FARP1: variants seen among roughly 807,000 people sequenced by gnomAD.
FARP1 encodes the protein FERM, ARHGEF and pleckstrin domain-containing protein 1.
In FARP1, 52 loss-of-function variants were observed where a neutral mutation model predicts 128.8. That is an observed-to-expected ratio of 0.40 (90% confidence interval 0.32 to 0.51). The LOEUF (loss-of-function observed/expected upper bound fraction) is 0.51, where lower values mean the gene tolerates loss of function less well. FARP1 is among the 20% of genes least tolerant of loss of function. The pLI is 0.45. For missense variants in FARP1, 1,333 were observed against 1,367.9 expected, an observed-to-expected ratio of 0.97 and a Z score of 0.40; for synonymous variants, 580 against 551.8, an observed-to-expected ratio of 1.05 and a Z score of -0.72.
At chr13:98,309,206 G>T (rs1196142052) in intron 2 of FARP1, among the ~76,000 whole-genome samples, 4 of 116,130 alleles carry the variant, frequency 3.4e-5, no homozygotes, top group Non-Finnish European at 6.5e-5. Context: ...TCGCTCTGTG[G>T]CCCAGGCGGG....
intron 19 of FARP1, 195 bp downstream of exon 19, chr13:98,435,901 C>G (rs1407954797): frequency 1.5e-6 from 1 of 689,350 alleles, no homozygotes; most frequent in African/African-American, 1.8e-5. Flanking sequence ...TAAAGCAATC[C>G]TCTGACCTCA....
intron 13 of FARP1, chr13:98,395,854 C>T (rs974706439): frequency 1.0e-5 from 4 of 400,618 alleles, no homozygotes; most frequent in Non-Finnish European, 1.8e-5. Flanking sequence ...TCACAGCCCC[C>T]TGGCCACCCC....
chr13:98,352,919 A>G lies in FARP1; in HGVS notation c.276+9053A>G, dbSNP rs573343412. 3.2e-4 allele frequency among the ~76,000 whole-genome samples: 48 copies of G among 152,150 alleles called. 1 individual carries two copies. The South Asian group carries it at 9.5e-3, about 30-fold the overall frequency. On this transcript the variant is annotated intron_variant, in intron 3 of 26. Coordinates refer to ENST00000319562, the MANE Select transcript of FARP1 (RefSeq NM_005766.4). ...TATAAACTCCTGCCCTCTACAAGTAACCTCCATGCAGAGTTTCAGAGTAAC... is the reference window on the plus strand; with the variant it reads ...TATAAACTCCTGCCCTCTACAAGTAGCCTCCATGCAGAGTTTCAGAGTAAC...
intron 2 of FARP1, among the ~76,000 whole-genome samples, chr13:98,227,650 C>T (rs745307422): frequency 1.3e-5 from 2 of 152,126 alleles, no homozygotes; most frequent in South Asian, 2.1e-4. Context: ...AGCAGGATCT[C>T]GTCGAGATAA....
At chr13:98,233,280 C>T (rs1594301771) in intron 2 of FARP1, among the ~76,000 whole-genome samples, 1 of 152,332 alleles carries the variant, frequency 6.6e-6, no homozygotes, top group South Asian at 2.1e-4. Flanking sequence ...AGTGTCCACC[C>T]TGTTACTGAT....
intron 6 of FARP1, chr13:98,383,491 C>T (rs1317279855): frequency 6.6e-6 from 1 of 152,176 alleles, no homozygotes; most frequent in Non-Finnish European, 1.5e-5. Flanking sequence ...TGATTGATGG[C>T]AACATCCAGG....
intron 21 of FARP1, among the ~76,000 whole-genome samples, chr13:98,439,609 G>A (rs1013153985): frequency 2.0e-5 from 3 of 152,136 alleles, no homozygotes; most frequent in African/African-American, 4.8e-5. Flanking sequence ...CAGCCACCTC[G>A]TCCTCCCCCG....
intron 2 of FARP1, among the ~76,000 whole-genome samples, chr13:98,229,720 C>G (rs1882004552): frequency 1.4e-5 from 2 of 144,204 alleles, no homozygotes; most frequent in Non-Finnish European, 3.0e-5. Flanking sequence ...TGGCATCTTG[C>G]TTTGTTTCCC....
chr13:98,428,761 G>A lies in FARP1; in HGVS notation c.1906-2282G>A, dbSNP rs114505224. Among the ~76,000 whole-genome samples the A allele has an allele frequency of 6.8e-3, 1,035 of 152,242 alleles. 13 individuals carry two copies. Among genetic ancestry groups the A allele is most frequent in the African/African-American group, 0.024 (992 of 41,540 alleles). ...GTGTGCATTGCTTCGTTGGCTCTTT[G>A]GTATATACAGGGAAGACCTTTGGAC... On this transcript the variant is annotated intron_variant, in intron 17 of 26. Transcript: ENST00000319562.
At chr13:98,272,895 T>G (rs1884455332) in intron 2 of FARP1, among the ~76,000 whole-genome samples, 1 of 152,168 alleles carries the variant, frequency 6.6e-6, no homozygotes, top group Non-Finnish European at 1.5e-5. Context: ...TTCAATTTTG[T>G]CAAAAGCTAG....
intron 2 of FARP1, among the ~76,000 whole-genome samples, chr13:98,224,795 G>T (rs1300848734): frequency 6.6e-6 from 1 of 152,086 alleles, no homozygotes; most frequent in African/African-American, 2.4e-5. Flanking sequence ...CATGACTTCT[G>T]CCTCACAGAG....
rs1404961211 is a variant in FARP1, at chr13:98,424,629, G to A, written c.1884G>A (p.Leu628=). 5 of 1,613,400 alleles carry A rather than the reference G, an allele frequency of 3.1e-6. No homozygotes were observed. In the African/African-American group the frequency reaches 6.7e-5, roughly 22 times the overall value. ...RDYQRIGDVM[L]KNIQGMKHLA... is the part of the protein sequence containing the mutation. ...ACCAAAGAATCGGCGATGTCATGCT[G>A]AAGAACATTCAGGGCATGAAGGTGA... Residue 628 remains leucine (L), a synonymous_variant, in exon 17 of 27, where the codon CTG becomes CTA. Coordinates refer to ENST00000319562, the MANE Select transcript of FARP1 (RefSeq NM_005766.4).
intron 13 of FARP1, chr13:98,406,804 C>T (rs1890996075): frequency 6.6e-6 from 1 of 152,360 alleles, no homozygotes; most frequent in African/African-American, 2.4e-5. Context: ...TCTTATGGAA[C>T]CATAGTCTGT....
At position 98,256,948 on chromosome 13, in the gene FARP1, G is replaced by GGTGT. The variant is rs59128917; in HGVS notation, c.171+43535_171+43536insGTGT. Among the ~76,000 whole-genome samples, 42 of 77,090 alleles carry GGTGT rather than the reference G, an allele frequency of 5.4e-4. 1 individual carries two copies. Among genetic ancestry groups the GGTGT allele is most frequent in the Middle Eastern group, 0.012 (1 of 82 alleles). The allele number at this position is 77,090 out of a possible 152,430, so 50.6% of individuals were successfully genotyped here. On this transcript the variant is annotated intron_variant, in intron 2 of 26. Transcript: ENST00000319562. ...CAATAATTTTCAAAGTATATATGTGGATATATATATATATATATATATATA... is the reference window on the plus strand; with the variant it reads ...CAATAATTTTCAAAGTATATATGTGGGTGTATATATATATATATATATATATATA...
chr13:98,226,443 C>T (rs1335860064), intron 2 of FARP1, among the ~76,000 whole-genome samples: 1 of 151,744 alleles, frequency 6.6e-6, no homozygotes, highest in Non-Finnish European at 1.5e-5. Context: ...CAAATAAGTT[C>T]ATACTCACAG....
intron 2 of FARP1, among the ~76,000 whole-genome samples, chr13:98,282,367 G>A (rs1884976457): frequency 2.0e-5 from 3 of 152,122 alleles, no homozygotes; most frequent in African/African-American, 7.2e-5. Context: ...ATTGTTCCTA[G>A]GACATAGAAG....
At chr13:98,366,935 G>A (rs570891377) in intron 4 of FARP1, among the ~76,000 whole-genome samples, 7 of 151,964 alleles carry the variant, frequency 4.6e-5, no homozygotes, top group Non-Finnish European at 1.0e-4. Context: ...TACATAATTA[G>A]TATTTGTATA....
At position 98,385,744 on chromosome 13, in the gene FARP1, A is replaced by G. The variant is rs199776431; in HGVS notation, c.689A>G (p.His230Arg). The G allele has an allele frequency of 1.9e-6, 3 of 1,614,178 alleles. No homozygotes were observed. The Admixed American group carries it at 5.0e-5, about 27-fold the overall frequency. ...RRLEMYGIRL[H>R]PAKDREGTKI... ...CTAGAGATGTATGGAATCCGGTTGC[A>G]CCCGGCCAAGGACAGGGAAGGCACG... Residue 230 changes from histidine to arginine, a missense_variant, in exon 8 of 27, where the codon CAC (histidine) becomes CGC (arginine). Physicochemically the swap from His to Arg is conservative, Grantham distance 29 (BLOSUM62 0). This residue lies in a region of FARP1 where 324 missense variants were observed against 398.1 expected (regional missense o/e 0.81). Coordinates refer to ENST00000319562, the MANE Select transcript of FARP1 (RefSeq NM_005766.4).
chr13:98,342,641 A>G (rs1888018468), intron 2 of FARP1, among the ~76,000 whole-genome samples: 1 of 152,146 alleles, frequency 6.6e-6, no homozygotes, highest in Admixed American at 6.5e-5. Flanking sequence ...CGGAGATTGC[A>G]GTGAGCTGAG....
Sources: allele counts gnomAD v4.1 joint callset (sites outside exome capture counted in the v4.1 genomes callset), GRCh38; gene constraint gnomAD v4.1.1; regional missense constraint gnomAD v4.1.1; transcripts MANE v1.5; gene names NCBI Gene and HGNC (gene_info 2026-07-23, HGNC 2026-07-21).